Variants in VWF observed in about 807,000 individuals in gnomAD.
The protein encoded by VWF is von Willebrand factor.
In VWF, 176 loss-of-function variants were observed where a neutral mutation model predicts 308.6. The observed-to-expected ratio is 0.57, with a 90% confidence interval of 0.50 to 0.65. The LOEUF (loss-of-function observed/expected upper bound fraction) is 0.65, where lower values mean the gene tolerates loss of function less well. Ranked by LOEUF, VWF falls within the 30% of genes least tolerant of loss-of-function variation. The probability of loss-of-function intolerance (pLI) is 0.00; values close to 1 mark genes in which losing one functional copy is unlikely to be tolerated. For missense variants in VWF, 3,146 were observed against 3,648.2 expected (o/e 0.86, Z 3.55); for synonymous variants, 1,385 against 1,443.4 (o/e 0.96, Z 0.92).
chr12:5,984,582 C>T (rs1010547335), intron 40 of VWF, among the ~76,000 whole-genome samples: 4 of 152,250 alleles, frequency 2.6e-5, no homozygotes, highest in Non-Finnish European at 4.4e-5. Flanking sequence ...GTAATTCCAT[C>T]AGCTCTGAAT....
chr12:6,051,533 C>T (rs1177359541), intron 16 of VWF, among the ~76,000 whole-genome samples: 1 of 152,154 alleles, frequency 6.6e-6, no homozygotes, highest in African/African-American at 2.4e-5. Flanking sequence ...CTCGGCCTCC[C>T]TAAGTGTTGG....
At chr12:5,965,183 C>G (rs1943387651) in intron 47 of VWF, among the ~76,000 whole-genome samples, 1 of 152,218 alleles carries the variant, frequency 6.6e-6, no homozygotes, top group Non-Finnish European at 1.5e-5. Context: ...CCTCTTCCTC[C>G]TCCTGCTGAG....
chr12:5,954,656 G>A (rs921297027), intron 47 of VWF, among the ~76,000 whole-genome samples: 2 of 152,160 alleles, frequency 1.3e-5, no homozygotes, highest in Non-Finnish European at 2.9e-5. Context: ...CCCTAAATCT[G>A]CAAATAAACT....
chr12:5,996,282 T>G, intron 34 of VWF, 60 bp from the exon 35 acceptor site: 1 of 1,509,890 alleles, frequency 6.6e-7, no homozygotes, highest in Non-Finnish European at 9.0e-7. Context: ...GCCTACTACA[T>G]GCAGACAGGC....
At chr12:5,959,265 T>G (rs553564470) in intron 47 of VWF, among the ~76,000 whole-genome samples, 1 of 152,198 alleles carries the variant, frequency 6.6e-6, no homozygotes, top group South Asian at 2.1e-4. Context: ...AAGAATAGAT[T>G]CATCAAGACA....
At chr12:5,997,557 A>G (rs898385894) in intron 34 of VWF, among the ~76,000 whole-genome samples, 1 of 152,364 alleles carries the variant, frequency 6.6e-6, no homozygotes, top group African/African-American at 2.4e-5. Context: ...TCTCCTCTGC[A>G]TAATAGGCCT....
intron 6 of VWF, among the ~76,000 whole-genome samples, chr12:6,080,612 C>G (rs896275304): frequency 6.6e-6 from 1 of 152,210 alleles, no homozygotes; most frequent in Admixed American, 6.5e-5. Context: ...AGAGTCACCA[C>G]GGCTGAGCCG....
chr12:6,092,179 G>A (rs1945041686), intron 6 of VWF, among the ~76,000 whole-genome samples: 1 of 151,972 alleles, frequency 6.6e-6, no homozygotes, highest in Admixed American at 6.6e-5. Flanking sequence ...CTCCCCCTTG[G>A]CCAAAGGGAC....
intron 40 of VWF, 147 bp from the exon 41 acceptor site, chr12:5,983,401 G>GGATA (rs58264371): frequency 0.018 from 8,759 of 479,948 alleles, 159 homozygotes; most frequent in African/African-American, 0.039. Context: ...ACATGGGTTA[G>GGATA]GATAGATAGA....
chr12:6,072,986 T>C (rs1159422262), intron 8 of VWF, among the ~76,000 whole-genome samples: 1 of 151,914 alleles, frequency 6.6e-6, no homozygotes, highest in Non-Finnish European at 1.5e-5. Context: ...CCTGCCTCAG[T>C]TTCCCAAGTA....
At chr12:6,041,592 G>C (rs188616) in intron 18 of VWF, among the ~76,000 whole-genome samples, 1 of 150,996 alleles carries the variant, frequency 6.6e-6, no homozygotes, top group South Asian at 2.1e-4. Context: ...GGGACTACAG[G>C]CGCCCGCCAC....
chr12:6,031,345 T>C, intron 21 of VWF, 99 bp downstream of exon 21: 2 of 1,594,992 alleles, frequency 1.3e-6, no homozygotes, highest in South Asian at 2.2e-5. Context: ...TGTGCGTTAT[T>C]CCATTCACAC....
At chr12:6,029,203 C>G in intron 22 of VWF, 139 bp downstream of exon 22, 1 of 1,079,768 alleles carries the variant, frequency 9.3e-7, no homozygotes, top group Non-Finnish European at 1.4e-6. Context: ...ACAAGAAGAG[C>G]TAACTATCCT....
rs767733636 is a variant in VWF at position 5,971,582 on chromosome 12, CG to C, written c.7548+16del. On this transcript the variant is annotated intron_variant, in intron 44 of 51. Transcript: ENST00000261405. Reference sequence around the variant, plus strand: ...CCCCAATCTGCCCTCCTCCCCGTCCCGGGGGCCTGGACCTACACTCTTCCAG... The same window carrying C: ...CCCCAATCTGCCCTCCTCCCCGTCCCGGGGCCTGGACCTACACTCTTCCAG... 35 of 1,606,628 alleles carry C rather than the reference CG, an allele frequency of 2.2e-5. No homozygotes were observed. The highest frequency in any genetic ancestry group is 2.1e-5 in the Non-Finnish European group (25 of 1,173,532).
chr12:6,007,120 C>G (rs984254355), intron 34 of VWF, among the ~76,000 whole-genome samples: 1 of 152,050 alleles, frequency 6.6e-6, no homozygotes, highest in African/African-American at 2.4e-5. Flanking sequence ...TATAGAACAA[C>G]ATAATAGTGA....
rs568994025 is a variant in VWF at position 6,034,078 on chromosome 12, C to T, written c.2685+610G>A. 9.2e-5 allele frequency among the ~76,000 whole-genome samples: 14 copies of T among 152,342 alleles called. No homozygotes were observed. In the South Asian group the frequency reaches 1.0e-3, roughly 11 times the overall value. On this transcript the variant is annotated intron_variant, in intron 20 of 51. Coordinates refer to ENST00000261405, the MANE Select transcript of VWF (RefSeq NM_000552.5). The stretch of plus-strand genomic sequence containing the variant: ...ACACTCACCGTGAGGATTCCTGGAT[C>T]GCTCTCATCTGCTGGGCAGGATGAC...
intron 18 of VWF, among the ~76,000 whole-genome samples, chr12:6,036,821 A>G (rs1476761877): frequency 6.6e-6 from 1 of 152,248 alleles, no homozygotes; most frequent in Non-Finnish European, 1.5e-5. Flanking sequence ...TACTTCAAAA[A>G]ATCATGTCCA....
chr12:6,067,016 A>G (rs1437308468), intron 10 of VWF, among the ~76,000 whole-genome samples: 1 of 152,182 alleles, frequency 6.6e-6, no homozygotes, highest in Non-Finnish European at 1.5e-5. Flanking sequence ...CCCAGAGGAA[A>G]TTAGGAGAAA....
At position 5,998,735 on chromosome 12, in the gene VWF, A is replaced by T. The variant is rs1200351690; in HGVS notation, c.5843-2513T>A. 3.3e-5 allele frequency among the ~76,000 whole-genome samples: 5 copies of T among 151,552 alleles called. No individual in the cohort carries two copies. In the South Asian group the frequency reaches 6.3e-4, roughly 19 times the overall value. On this transcript the variant is annotated intron_variant, in intron 34 of 51. Transcript: ENST00000261405. The stretch of plus-strand genomic sequence containing the variant: ...TTTATTTATTTTTATTTTTATTTTT[A>T]TTTTTTTTCCAAGAGAAGTGTCACT...
Sources: allele counts gnomAD v4.1 joint callset (sites outside exome capture counted in the v4.1 genomes callset), GRCh38; gene constraint gnomAD v4.1.1; transcripts MANE v1.5; gene names NCBI Gene and HGNC (gene_info 2026-07-23, HGNC 2026-07-21).